Variants in SCFD2 observed in about 807,000 individuals in gnomAD.
SCFD2 encodes sec1 family domain-containing protein 2.
In SCFD2, 54 loss-of-function variants were observed where a neutral mutation model predicts 58.9. The observed-to-expected ratio is 0.92, with a 90% CI of 0.74 to 1.15. The LOEUF is 1.15. SCFD2 is among the 50% of genes most tolerant of loss of function. SCFD2 has a pLI of 0.00. For missense variants in SCFD2, 805 were observed against 836.6 expected, an observed-to-expected ratio of 0.96 and a Z score of 0.47; for synonymous variants, 321 against 335.9, an observed-to-expected ratio of 0.96 and a Z score of 0.49.
At chr4:53,178,546 G>A (rs1727425436) in intron 4 of SCFD2, among the ~76,000 whole-genome samples, 1 of 151,986 alleles carries the variant, frequency 6.6e-6, no homozygotes, top group Non-Finnish European at 1.5e-5. Context: ...ACAAAGATGG[G>A]AAAAAAACAG....
chr4:53,255,819 C>G (rs6554084), intron 4 of SCFD2, among the ~76,000 whole-genome samples: 139,886 of 143,824 alleles, frequency 0.97, 68,105 homozygotes, highest in Middle Eastern at 1. Flanking sequence ...CCTCCCGGAC[C>G]GGGCAGCTGG....
At chr4:52,876,756 GAAAAAAAAAAAAA>G (rs761229349) in intron 8 of SCFD2, among the ~76,000 whole-genome samples, 13 of 54,408 alleles carry the variant, frequency 2.4e-4, no homozygotes, top group African/African-American at 7.8e-4. Flanking sequence ...TCTCTGTCTC[GAAAAAAAAAAAAA>G]AAAAAAAAAA....
At chr4:52,907,402 G>A in intron 7 of SCFD2, 55 bp downstream of exon 7, 2 of 1,578,262 alleles carry the variant, frequency 1.3e-6, no homozygotes, top group Non-Finnish European at 1.7e-6. Context: ...GCATTTTCAT[G>A]CCCAGCAAAG....
intron 5 of SCFD2, among the ~76,000 whole-genome samples, chr4:53,079,773 C>A (rs1338191423): frequency 6.6e-6 from 1 of 152,156 alleles, no homozygotes; most frequent in Non-Finnish European, 1.5e-5. Context: ...CCTGAATATA[C>A]TATCCAATTG....
In SCFD2 at chr4:52,986,867, G is replaced by C. The variant is rs1437593419; in HGVS notation, c.1562-65997C>G. On this transcript the variant is annotated intron_variant, in intron 5 of 8. Coordinates refer to ENST00000401642, the MANE Select transcript of SCFD2 (RefSeq NM_152540.4). ...CTACAAGAAAGAATTCAGTAGTTGT[G>C]GTAAATGAGGTTAAGATTCTAAGCC... is the stretch of plus-strand genomic sequence containing the variant. Among the ~76,000 whole-genome samples, 7 of 152,098 alleles carry C rather than the reference G, an allele frequency of 4.6e-5. No individual in the cohort carries two copies. The East Asian group carries it at 1.4e-3, about 29-fold the overall frequency.
intron 5 of SCFD2, among the ~76,000 whole-genome samples, chr4:53,095,764 A>G (rs1444537084): frequency 6.6e-6 from 1 of 151,962 alleles, no homozygotes; most frequent in Middle Eastern, 3.2e-3. Flanking sequence ...GTACATGTGC[A>G]CAACGTGCAG....
intron 3 of SCFD2, among the ~76,000 whole-genome samples, chr4:53,296,547 CCTAGCGGTCTAT>C (rs1732040232): frequency 4.6e-5 from 7 of 151,782 alleles, no homozygotes. Context: ...TGTTAGTCTG[CCTAGCGGTCTAT>C]CTATTTTGTT....
At chr4:52,942,285 G>A (rs185955618) in intron 5 of SCFD2, among the ~76,000 whole-genome samples, 2 of 152,324 alleles carry the variant, frequency 1.3e-5, no homozygotes, top group African/African-American at 4.8e-5. Context: ...GGACAAGGGG[G>A]AGAGTGGGTT....
chr4:53,318,433 T>G (rs996853674), intron 2 of SCFD2, among the ~76,000 whole-genome samples: 17 of 152,182 alleles, frequency 1.1e-4, no homozygotes, highest in African/African-American at 3.9e-4. Context: ...CATTAGAGGT[T>G]TGCTAATATA....
At chr4:52,979,081 T>A (rs1721316703) in intron 5 of SCFD2, among the ~76,000 whole-genome samples, 1 of 149,662 alleles carries the variant, frequency 6.7e-6, no homozygotes, top group South Asian at 2.1e-4. Context: ...GGGGAGTAGT[T>A]AAGAGCAAGA....
At chr4:53,278,063 CAA>C (rs1003114289) in intron 3 of SCFD2, among the ~76,000 whole-genome samples, 5 of 136,040 alleles carry the variant, frequency 3.7e-5, no homozygotes, top group African/African-American at 1.4e-4. Flanking sequence ...AAACAAAAAA[CAA>C]AAAAAAAAAA....
intron 4 of SCFD2, among the ~76,000 whole-genome samples, chr4:53,168,451 GTC>G (rs1727080340): frequency 6.6e-6 from 1 of 152,122 alleles, no homozygotes; most frequent in Non-Finnish European, 1.5e-5. Context: ...TCATGAATGA[GTC>G]AACAGACATA....
At chr4:53,156,415 GAAAA>G (rs1726686626) in intron 4 of SCFD2, among the ~76,000 whole-genome samples, 1 of 130,746 alleles carries the variant, frequency 7.6e-6, no homozygotes, top group Non-Finnish European at 1.6e-5. Context: ...AAAAAAAAAA[GAAAA>G]GAAAAAAGAG....
chr4:52,882,909 C>CT lies in SCFD2; in HGVS notation c.1962+2837dup, dbSNP rs145204683. 9.0e-4 allele frequency among the ~76,000 whole-genome samples: 137 copies of CT among 152,280 alleles called. 2 individuals carry two copies. Among genetic ancestry groups the CT allele is most frequent in the Admixed American group, 6.1e-3 (93 of 15,294 alleles). The stretch of plus-strand genomic sequence containing the variant: ...CAGTGGGAGGGGACAAATCCTCATC[C>CT]TGGGAGATGGTCAAGTAAAGGCTGG... On this transcript the variant is annotated intron_variant, in intron 8 of 8. Coordinates refer to ENST00000401642, the MANE Select transcript of SCFD2 (RefSeq NM_152540.4).
intron 5 of SCFD2, among the ~76,000 whole-genome samples, chr4:53,040,048 T>C (rs1722856312): frequency 6.6e-6 from 1 of 152,206 alleles, no homozygotes; most frequent in Non-Finnish European, 1.5e-5. Flanking sequence ...AGTGGCTTCA[T>C]GCTATTAACA....
intron 5 of SCFD2, among the ~76,000 whole-genome samples, chr4:53,024,441 A>G (rs1328850838): frequency 1.3e-5 from 2 of 152,204 alleles, no homozygotes; most frequent in Non-Finnish European, 2.9e-5. Flanking sequence ...GTAGAGATGA[A>G]AAGAAGATTG....
At chr4:53,252,874 CA>C (rs1730449020) in intron 4 of SCFD2, among the ~76,000 whole-genome samples, 1 of 152,046 alleles carries the variant, frequency 6.6e-6, no homozygotes, top group African/African-American at 2.4e-5. Context: ...CAACAAAAGC[CA>C]AAATTGACAA....
intron 5 of SCFD2, among the ~76,000 whole-genome samples, chr4:52,939,015 G>C (rs1032133690): frequency 6.6e-6 from 1 of 152,146 alleles, no homozygotes; most frequent in Non-Finnish European, 1.5e-5. Flanking sequence ...ACCTGCCTCA[G>C]TGATCATGGA....
intron 5 of SCFD2, among the ~76,000 whole-genome samples, chr4:53,096,157 G>A (rs963461594): frequency 3.9e-5 from 6 of 152,126 alleles, no homozygotes; most frequent in Non-Finnish European, 8.8e-5. Context: ...CACTATTTGT[G>A]AACAGTGCCT....
Sources: gnomAD v4.1 joint callset for allele counts (sites outside exome capture counted in the v4.1 genomes callset) on GRCh38, gnomAD v4.1.1 for gene constraint, MANE v1.5 for transcripts, NCBI Gene and HGNC (gene_info 2026-07-23, HGNC 2026-07-21) for gene names.